Variants in PCDHGA1 observed in about 807,000 individuals in gnomAD.
PCDHGA1 encodes protocadherin gamma subfamily A, 1, also known as protocadherin gamma-A1.
Under a neutral mutation model 58.0 loss-of-function variants are expected in PCDHGA1, and 32 were observed. The observed-to-expected ratio is 0.55, with a 90% CI of 0.42 to 0.74. The LOEUF is 0.74. PCDHGA1 is among the 30% of genes least tolerant of loss of function. The pLI is 0.00. For missense variants in PCDHGA1, 1,205 were observed against 1,182.3 expected, an observed-to-expected ratio of 1.02 and a Z score of -0.28; for synonymous variants, 498 against 501.1, an observed-to-expected ratio of 0.99 and a Z score of 0.08.
chr5:141,362,304 T>C, intron 1 of PCDHGA1: 1 of 1,614,082 alleles, frequency 6.2e-7, no homozygotes, highest in Non-Finnish European at 8.5e-7. Flanking sequence ...GGTCAGATGC[T>C]TGGGACTGTT....
intron 1 of PCDHGA1, chr5:141,418,306 GA>G: frequency 6.2e-7 from 1 of 1,614,032 alleles, no homozygotes; most frequent in East Asian, 2.2e-5. Flanking sequence ...TCAGCCTGGG[GA>G]TGGGAACAAT....
intron 1 of PCDHGA1, chr5:141,360,621 T>A: frequency 6.2e-7 from 1 of 1,614,026 alleles, no homozygotes; most frequent in Non-Finnish European, 8.5e-7. Flanking sequence ...ATTCAGATGT[T>A]GGTCCTAACT....
intron 1 of PCDHGA1, among the ~76,000 whole-genome samples, chr5:141,492,927 G>A (rs925569925): frequency 2.0e-5 from 3 of 152,180 alleles, no homozygotes; most frequent in Admixed American, 6.5e-5. Context: ...AGCGATCTAG[G>A]GTCAGAGATT....
At chr5:141,360,081 C>T in intron 1 of PCDHGA1, 6 of 1,486,284 alleles carry the variant, frequency 4.0e-6, no homozygotes, top group Admixed American at 2.5e-5. Flanking sequence ...CCGGATTCTG[C>T]CATCCCCGGA....
chr5:141,349,199 A>G lies in PCDHGA1; in HGVS notation c.2421+16094A>G, dbSNP rs1402417617. On this transcript the variant is annotated intron_variant, in intron 1 of 3. Transcript: ENST00000517417. ...ATTCTGCTGCCTCAACCTCCCGAGTAGCTGGCGTTACAGGTACCCGCCACC... is the reference window on the plus strand; with the variant it reads ...ATTCTGCTGCCTCAACCTCCCGAGTGGCTGGCGTTACAGGTACCCGCCACC... 2.0e-5 allele frequency among the ~76,000 whole-genome samples: 3 copies of G among 151,900 alleles called. No homozygotes were observed. The East Asian group carries it at 5.8e-4, about 29-fold the overall frequency.
Position 141,332,250 on chromosome 5 carries a change from T to G in PCDHGA1, c.1566T>G (p.Tyr522Ter), listed in dbSNP as rs745568006. ...TGTATGCGCTGCGATCCTTCGACTA[T>G]GAGCAGTTCCGGGACATGCAACTGA... ...GVLYALRSFD[Y>*]EQFRDMQLKV... Residue 522 changes from tyrosine (Y) to a stop codon, truncating the protein, a stop_gained, in exon 1 of 4, where the codon TAT (tyrosine) becomes TAG (stop). Coordinates refer to ENST00000517417, the MANE Select transcript of PCDHGA1 (RefSeq NM_018912.3). LOFTEE classifies it high-confidence loss of function. This position sits in a 1 kb window ranked among gnomAD's most constrained non-coding sequence, Gnocchi z 4.6. The G allele has an allele frequency of 6.2e-7, 1 of 1,614,222 alleles. No homozygotes were observed. The highest frequency in any genetic ancestry group is 1.1e-5 in the South Asian group (1 of 91,078).
chr5:141,428,057 G>T, intron 1 of PCDHGA1: 1 of 1,609,044 alleles, frequency 6.2e-7, no homozygotes, highest in Non-Finnish European at 8.5e-7. Flanking sequence ...AGGTGGTGGC[G>T]GTGGACGCAG....
rs545261528 is a variant in PCDHGA1 at position 141,404,038 on chromosome 5, G to C, written c.2421+70933G>C. 4.3e-6 allele frequency: 7 copies of C among 1,613,858 alleles called. No individual in the cohort carries two copies. The African/African-American group carries it at 8.0e-5, about 18-fold the overall frequency. ...GCCCAGTGAGAGAAGACGCACCTCA[G>C]GGAACAGTAATTCTTCTTTTCAATG... On this transcript the variant is annotated intron_variant, in intron 1 of 3. Coordinates refer to ENST00000517417, the MANE Select transcript of PCDHGA1 (RefSeq NM_018912.3).
chr5:141,496,992 C>T (rs1055856428), intron 2 of PCDHGA1, among the ~76,000 whole-genome samples: 2 of 151,918 alleles, frequency 1.3e-5, no homozygotes, highest in African/African-American at 2.4e-5. Context: ...TTGAGACCAG[C>T]CTGGCAGCCA....
At chr5:141,365,613 G>T in intron 1 of PCDHGA1, 1 of 1,613,548 alleles carries the variant, frequency 6.2e-7, no homozygotes, top group East Asian at 2.2e-5. Flanking sequence ...ATGGACCATG[G>T]AACCCCGCCC....
chr5:141,352,305 C>A, intron 1 of PCDHGA1: 3 of 1,614,070 alleles, frequency 1.9e-6, no homozygotes, highest in East Asian at 2.2e-5. Context: ...GACCCCCAGA[C>A]GGAACTGCAG....
In PCDHGA1 at chr5:141,408,282, C is replaced by A. The variant is rs1045626164; in HGVS notation, c.2421+75177C>A. On this transcript the variant is annotated intron_variant, in intron 1 of 3. Transcript: ENST00000517417. ...CCTTTGCTGCTGCCTTTGTTCTACC[C>A]CACCCTGAGTGAGCCGATCCGCTAC... The A allele has an allele frequency of 5.0e-6, 8 of 1,612,846 alleles. No individual in the cohort carries two copies. The African/African-American group carries it at 1.1e-4, about 22-fold the overall frequency.
intron 1 of PCDHGA1, among the ~76,000 whole-genome samples, chr5:141,473,246 A>G (rs1045740920): frequency 7.2e-5 from 11 of 152,224 alleles, no homozygotes; most frequent in Admixed American, 4.6e-4. Context: ...AAGTGAATAC[A>G]TATATAGTCC....
chr5:141,468,815 A>G (rs866523229), intron 1 of PCDHGA1, among the ~76,000 whole-genome samples: 7 of 151,958 alleles, frequency 4.6e-5, no homozygotes, highest in Middle Eastern at 3.4e-3. Context: ...GCAGTGAGCC[A>G]AGATCAAGCC....
rs2099629540 is a variant in PCDHGA1, at chr5:141,486,436, T to C, written c.2422-8371T>C. 2 of 1,614,188 alleles carry C rather than the reference T, an allele frequency of 1.2e-6. No individual in the cohort carries two copies. The highest frequency in any genetic ancestry group is 1.7e-6 in the Non-Finnish European group (2 of 1,180,020). On this transcript the variant is annotated intron_variant, in intron 1 of 3. Coordinates refer to ENST00000517417, the MANE Select transcript of PCDHGA1 (RefSeq NM_018912.3). This position sits in a 1 kb window ranked among gnomAD's most constrained non-coding sequence, Gnocchi z 5.0. ...TGGATCGAGAGGCCAAATCTAGCTA[T>C]GACATCATGGTCACTGCTTCTGATG... is the stretch of plus-strand genomic sequence containing the variant.
intron 1 of PCDHGA1, among the ~76,000 whole-genome samples, chr5:141,369,773 T>G: frequency 6.6e-6 from 1 of 152,236 alleles, no homozygotes; most frequent in African/African-American, 2.4e-5. Flanking sequence ...AGCTGATATT[T>G]CAAGCCTCTT....
intron 1 of PCDHGA1, chr5:141,404,640 T>C (rs368593595): frequency 1.6e-5 from 26 of 1,614,092 alleles, no homozygotes; most frequent in East Asian, 2.2e-5. Context: ...CCAGAAATCC[T>C]GTACCCTGCC....
chr5:141,419,315 C>A lies in PCDHGA1; in HGVS notation c.2422-75492C>A, dbSNP rs2096357855. ...TGACCCAGACTTCGGGCTCAACGGC[C>A]GTGTCTCCTACTCTCTCATTGCCAG... On this transcript the variant is annotated intron_variant, in intron 1 of 3. Transcript: ENST00000517417. 3 of 1,613,880 alleles carry A rather than the reference C, an allele frequency of 1.9e-6. No homozygotes were observed. Among genetic ancestry groups the A allele is most frequent in the Non-Finnish European group, 2.5e-6 (3 of 1,179,910 alleles).
At chr5:141,445,964 T>C (rs1199096510) in intron 1 of PCDHGA1, among the ~76,000 whole-genome samples, 2 of 152,280 alleles carry the variant, frequency 1.3e-5, no homozygotes, top group South Asian at 4.1e-4. Context: ...ATATGGAGAA[T>C]TGATTTATGA....
Sources: gnomAD v4.1 joint callset for allele counts (sites outside exome capture counted in the v4.1 genomes callset) on GRCh38, gnomAD v4.1.1 for gene constraint, Gnocchi (gnomAD v3.1) non-coding constraint, MANE v1.5 for transcripts, NCBI Gene and HGNC (gene_info 2026-07-23, HGNC 2026-07-21) for gene names.